The following USH1C variants were observed in gnomAD, a reference collection of about 807,000 sequenced individuals.
USH1C encodes USH1 protein network component harmonin.
A neutral mutation model predicts 119.3 loss-of-function variants in USH1C; 90 were observed. The observed-to-expected ratio is 0.75, with a 90% CI of 0.64 to 0.90. The LOEUF (loss-of-function observed/expected upper bound fraction) is 0.90, where lower values mean the gene tolerates loss of function less well. Among genes scored for constraint, USH1C ranks in the 40% least tolerant of loss-of-function variants. The pLI, the probability that USH1C is intolerant of heterozygous loss-of-function variation, is 0.00. For missense variants in USH1C, 1,165 were observed against 1,167.7 expected (o/e 1.00, Z 0.03); for synonymous variants, 465 against 443.3 (o/e 1.05, Z -0.62).
intron 7 of USH1C, 74 bp downstream of exon 7, chr11:17,526,679 C>T: frequency 1.3e-6 from 2 of 1,512,878 alleles, no homozygotes; most frequent in Non-Finnish European, 1.8e-6. Context: ...AGAGCAAGCC[C>T]TCCCTTCAGG....
chr11:17,504,733 T>C lies in USH1C; in HGVS notation c.2134-36A>G, dbSNP rs1235875090. 3.7e-6 allele frequency: 6 copies of C among 1,609,636 alleles called. No homozygotes were observed. In the East Asian group the frequency reaches 1.3e-4, roughly 36 times the overall value. On this transcript the variant is annotated intron_variant, in intron 19 of 26. Transcript: ENST00000005226. ...AAAAAAAAAAAAGTTCCACATTGGA[T>C]GTTACCAATAGGTCTTGGCTGCCCC...
At chr11:17,510,583 T>C (rs1849846679) in intron 16 of USH1C, 62 bp from the exon 17 acceptor site, 11 of 1,244,610 alleles carry the variant, frequency 8.8e-6, no homozygotes, top group East Asian at 2.3e-5. Context: ...AACATGTGGA[T>C]AGAAATAGCA....
chr11:17,503,672 G>T (rs796678412), intron 20 of USH1C, among the ~76,000 whole-genome samples: 24 of 152,356 alleles, frequency 1.6e-4, no homozygotes, highest in African/African-American at 5.8e-4. Context: ...GCAGGATGGT[G>T]CAGTGTTTAA....
chr11:17,539,258 G>A (rs1393282159), intron 1 of USH1C, among the ~76,000 whole-genome samples: 1 of 152,102 alleles, frequency 6.6e-6, no homozygotes, highest in Admixed American at 6.5e-5. Flanking sequence ...ACCAAGCTGT[G>A]CTGAACTTTC....
chr11:17,521,362 G>T lies in USH1C; in HGVS notation c.1069C>A (p.Arg357=), dbSNP rs140934960. 8.1e-6 allele frequency: 13 copies of T among 1,613,898 alleles called. No homozygotes were observed. Among genetic ancestry groups the T allele is most frequent in the Non-Finnish European group, 1.1e-5 (13 of 1,179,998 alleles). ...QKAAEENERY[R]KEMEQIVEEE... ...GGTACTCACTGTTCCATCTCCTTCC[G>T]GTATCTCTCATTTTCCTCTGCTGCC... Residue 357 remains arginine, a synonymous_variant, in exon 13 of 27, where the codon CGG becomes AGG. Coordinates refer to ENST00000005226, the MANE Select transcript of USH1C (RefSeq NM_153676.4).
chr11:17,513,639 G>A (rs1411543061), intron 15 of USH1C, among the ~76,000 whole-genome samples: 1 of 152,094 alleles, frequency 6.6e-6, no homozygotes, highest in Non-Finnish European at 1.5e-5. Context: ...GTCCTGCTTG[G>A]TTCCTTGCCT....
intron 4 of USH1C, among the ~76,000 whole-genome samples, chr11:17,528,270 C>T (rs1850797425): frequency 6.6e-6 from 1 of 152,122 alleles, no homozygotes; most frequent in Admixed American, 6.5e-5. Context: ...TGAGATGGGC[C>T]CTGGGCAGCC....
At chr11:17,516,484 T>A (rs1850151371) in intron 14 of USH1C, 194 bp from the exon 15 acceptor site, 2 of 507,686 alleles carry the variant, frequency 3.9e-6, no homozygotes, top group African/African-American at 2.4e-5. Context: ...AGAACAGGCC[T>A]AAGACCACCG....
chr11:17,541,022 G>T, intron 1 of USH1C, among the ~76,000 whole-genome samples: 1 of 152,116 alleles, frequency 6.6e-6, no homozygotes, highest in East Asian at 1.9e-4. Flanking sequence ...CATACAGGCG[G>T]GCATCTGCTT....
chr11:17,528,585 G>A (rs1450689098), intron 4 of USH1C, among the ~76,000 whole-genome samples: 1 of 152,246 alleles, frequency 6.6e-6, no homozygotes, highest in African/African-American at 2.4e-5. Context: ...TGGCACACGT[G>A]AGGGATGCAA....
At chr11:17,513,600 C>T (rs182890455) in intron 15 of USH1C, among the ~76,000 whole-genome samples, 152 of 152,234 alleles carry the variant, frequency 1.0e-3, no homozygotes, top group Admixed American at 1.2e-3. Context: ...GTATGAGCCT[C>T]TCGAGAAAAT....
chr11:17,527,423 G>A (rs1213340490), intron 4 of USH1C, 92 bp from the exon 5 acceptor site: 52 of 1,046,706 alleles, frequency 5.0e-5, no homozygotes, highest in Admixed American at 3.2e-4. Context: ...ACTGCTCTCC[G>A]GAAAAGGGAA....
Position 17,512,357 on chromosome 11 carries a change from T to C in USH1C, c.1261-303A>G, listed in dbSNP as rs1440190614. 2.0e-5 allele frequency among the ~76,000 whole-genome samples: 3 copies of C among 152,214 alleles called. No individual in the cohort carries two copies. The East Asian group carries it at 5.8e-4, about 29-fold the overall frequency. On this transcript the variant is annotated intron_variant, in intron 15 of 26. Transcript: ENST00000005226. The stretch of plus-strand genomic sequence containing the variant: ...GGCCTGATTTGCCTCATCTCCAAAA[T>C]GGTAAAAATACCTCCCCCACAGGCT...
At chr11:17,524,280 C>T (rs1257673214) in intron 9 of USH1C, among the ~76,000 whole-genome samples, 171 bp downstream of exon 9, 1 of 152,194 alleles carries the variant, frequency 6.6e-6, no homozygotes, top group African/African-American at 2.4e-5. Flanking sequence ...GCAGAAGGGT[C>T]AAACATCCCC....
At chr11:17,526,668 T>C (rs1850690568) in intron 7 of USH1C, 85 bp downstream of exon 7, 1 of 1,463,658 alleles carries the variant, frequency 6.8e-7, no homozygotes, top group South Asian at 1.2e-5. Flanking sequence ...GGTGCATCTC[T>C]AGAGCAAGCC....
intron 2 of USH1C, 123 bp downstream of exon 2, chr11:17,533,132 T>C: frequency 1.3e-6 from 1 of 794,998 alleles, no homozygotes; most frequent in Non-Finnish European, 2.3e-6. Flanking sequence ...TATGTCCATT[T>C]GATTTCCAGG....
At chr11:17,527,538 G>T (rs929034627) in intron 4 of USH1C, among the ~76,000 whole-genome samples, 1 of 151,756 alleles carries the variant, frequency 6.6e-6, no homozygotes, top group South Asian at 2.1e-4. Context: ...CAGTCTTGTC[G>T]CCCCATTTTA....
chr11:17,521,550 T>C (rs770397737), intron 12 of USH1C, 139 bp from the exon 13 acceptor site: 34 of 823,982 alleles, frequency 4.1e-5, no homozygotes, highest in Non-Finnish European at 6.4e-5. Context: ...AGCTTTGGTT[T>C]TGGGGGACGT....
intron 23 of USH1C, among the ~76,000 whole-genome samples, chr11:17,500,580 A>T (rs1037618326): frequency 1.3e-5 from 2 of 152,138 alleles, no homozygotes; most frequent in African/African-American, 4.8e-5. Context: ...GGGGGTTTCC[A>T]CGTGCTGCTC....
Sources: gnomAD v4.1 joint callset for allele counts (sites outside exome capture counted in the v4.1 genomes callset) on GRCh38, gnomAD v4.1.1 for gene constraint, MANE v1.5 for transcripts, NCBI Gene and HGNC (gene_info 2026-07-23, HGNC 2026-07-21) for gene names.